CSNK1E: variants seen among roughly 807,000 people sequenced by gnomAD.
CSNK1E encodes casein kinase I isoform epsilon.
CSNK1E carries 17 observed loss-of-function variants against 46.1 expected under a neutral mutation model. The observed-to-expected ratio is 0.37, with a 90% CI of 0.25 to 0.55. CSNK1E has a LOEUF of 0.55. CSNK1E is among the 20% of genes least tolerant of loss of function. The pLI is 0.82. For missense variants in CSNK1E, 386 were observed against 595.4 expected, an observed-to-expected ratio of 0.65 and a Z score of 3.66; for synonymous variants, 241 against 242.6, an observed-to-expected ratio of 0.99 and a Z score of 0.06.
Position 38,309,200 on chromosome 22 carries a change from G to A in CSNK1E, c.76+4882C>T, listed in dbSNP as rs576177435. Among the ~76,000 whole-genome samples the A allele has an allele frequency of 6.6e-5, 10 of 152,360 alleles. No homozygotes were observed. In the South Asian group the frequency reaches 1.9e-3, roughly 28 times the overall value. On this transcript the variant is annotated intron_variant, in intron 2 of 10. Transcript: ENST00000396832. The surrounding 1 kb of genome is among the most constrained non-coding windows in gnomAD (Gnocchi z 4.8). ...AATCACCCTGTTGAGGCTACCTGGT[G>A]GATACGAAAGGGCTGGAGGAGGCTA...
At chr22:38,301,188 G>A (rs1307197864) in intron 4 of CSNK1E, among the ~76,000 whole-genome samples, 1 of 152,226 alleles carries the variant, frequency 6.6e-6, no homozygotes, top group African/African-American at 2.4e-5. Flanking sequence ...AGTATTGCAG[G>A]AAAGCTAATG....
chr22:38,296,833 G>T, intron 7 of CSNK1E: 2 of 955,918 alleles, frequency 2.1e-6, no homozygotes, highest in Non-Finnish European at 3.1e-6. Flanking sequence ...GGAGGGCAGT[G>T]GCATGATCTC....
chr22:38,298,318 G>A lies in CSNK1E; in HGVS notation c.885+468C>T, dbSNP rs915665325. ...CCCACCCCTGGGACTCTTAAAAGAG[G>A]GAAACAGAACAACTGCCTAGCCAGA... On this transcript the variant is annotated intron_variant, in intron 7 of 10. Coordinates refer to ENST00000396832, the MANE Select transcript of CSNK1E (RefSeq NM_152221.3). The surrounding 1 kb of genome is among the most constrained non-coding windows in gnomAD (Gnocchi z 4.2). 6.6e-6 allele frequency: 5 copies of A among 755,444 alleles called. No homozygotes were observed. The highest frequency in any genetic ancestry group is 7.6e-6 in the Non-Finnish European group (4 of 523,350). 46.8% of individuals were successfully genotyped at this position (755,444 alleles called of 1,614,324 possible). A position where few individuals can be genotyped will look rare whatever the true frequency, so the allele number is the denominator to read the frequency against.
chr22:38,307,065 G>T (rs2092701704), intron 2 of CSNK1E, among the ~76,000 whole-genome samples: 1 of 152,160 alleles, frequency 6.6e-6, no homozygotes. Context: ...CAGCTACCTG[G>T]GAGGCTGAGG....
chr22:38,294,042 G>A lies in CSNK1E; in HGVS notation c.1218+67C>T. ...AAAGGGAAGAACAGAGCCACGGCCT[G>A]ACCTCCCACTGGGGGGTCTCTAACT... On this transcript the variant is annotated intron_variant, in intron 9 of 10. Coordinates refer to ENST00000396832, the MANE Select transcript of CSNK1E (RefSeq NM_152221.3). This position sits in a 1 kb window ranked among gnomAD's most constrained non-coding sequence, Gnocchi z 5.5. 6.4e-7 allele frequency: 1 copy of A among 1,552,536 alleles called. No homozygotes were observed. Among genetic ancestry groups the A allele is most frequent in the South Asian group, 1.1e-5 (1 of 87,010 alleles).
In CSNK1E at chr22:38,291,338, C is replaced by CCACACACACACACA. The variant is rs71324902; in HGVS notation, c.*619_*632dup. 6.8e-6 allele frequency: 1 copy of CCACACACACACACA among 147,930 alleles called. No homozygotes were observed. The highest frequency in any genetic ancestry group is 2.5e-5 in the African/African-American group (1 of 40,096). The allele number at this position is 147,930 out of a possible 1,614,324, so 9.2% of individuals were successfully genotyped here. A position where few individuals can be genotyped will look rare whatever the true frequency, so the allele number is the denominator to read the frequency against. Reference sequence around the variant, plus strand: ...TCTTGGGAAACACAGGTCAATACATCCACACACACACACACACACACACAC... The same window carrying CCACACACACACACA: ...TCTTGGGAAACACAGGTCAATACATCCACACACACACACACACACACACACACACACACACACAC... On this transcript the variant is annotated 3_prime_UTR_variant, in exon 11 of 11. Transcript: ENST00000396832.
rs760507931 is a variant in CSNK1E at position 38,303,180 on chromosome 22, G to A, written c.145C>T (p.Leu49=). 3 of 1,610,472 alleles carry A rather than the reference G, an allele frequency of 1.9e-6. No homozygotes were observed. The Admixed American group carries it at 5.0e-5, about 27-fold the overall frequency. ...LECVKTKHPQ[L]HIESKFYKMM... Reference sequence around the variant, plus strand: ...TTGTAGAACTTGCTCTCGATGTGCAGCTGGGGGTGCTTTGTCTTCACACAC... The same window carrying A: ...TTGTAGAACTTGCTCTCGATGTGCAACTGGGGGTGCTTTGTCTTCACACAC... The change falls in exon 3 of 11, where the codon CTG becomes TTG. Residue 49 remains leucine (L), a synonymous_variant. Transcript: ENST00000396832. This position sits in a 1 kb window ranked among gnomAD's most constrained non-coding sequence, Gnocchi z 4.7.
chr22:38,305,121 C>CAAAAA (rs33987200), intron 2 of CSNK1E, among the ~76,000 whole-genome samples: 1 of 52,800 alleles, frequency 1.9e-5, no homozygotes, highest in Non-Finnish European at 3.3e-5. Context: ...AACTCCAGCT[C>CAAAAA]AAAAAAAAAA....
rs10560249 is a variant in CSNK1E, at chr22:38,291,894, CTTTTTTTTTT to C, written c.*67_*76del. On this transcript the variant is annotated 3_prime_UTR_variant, in exon 11 of 11. Coordinates refer to ENST00000396832, the MANE Select transcript of CSNK1E (RefSeq NM_152221.3). The stretch of plus-strand genomic sequence containing the variant: ...GTTCTTTTGAGTGGTTTATTTTTGC[CTTTTTTTTTT>C]TTTTTTTTTTTTTAAAGAAAATACA... 9.1e-5 allele frequency: 9 copies of C among 99,206 alleles called. No individual in the cohort carries two copies. Among genetic ancestry groups the C allele is most frequent in the Non-Finnish European group, 1.3e-4 (7 of 52,474 alleles). 6.1% of individuals were successfully genotyped at this position (99,206 alleles called of 1,614,324 possible).
intron 2 of CSNK1E, among the ~76,000 whole-genome samples, chr22:38,310,924 G>A (rs1024298986): frequency 1.2e-4 from 19 of 152,282 alleles, no homozygotes; most frequent in African/African-American, 4.1e-4. Flanking sequence ...AAGGCTGGCC[G>A]GGGACGCCCT....
chr22:38,297,005 C>T, intron 7 of CSNK1E: 1 of 671,414 alleles, frequency 1.5e-6, no homozygotes, highest in African/African-American at 1.8e-5. Context: ...AACTCCTGAC[C>T]TCAAGTCATC....
chr22:38,311,843 C>T (rs1480084414), intron 2 of CSNK1E, among the ~76,000 whole-genome samples: 8 of 145,842 alleles, frequency 5.5e-5, no homozygotes, highest in South Asian at 2.2e-4. Context: ...CTTGCTTTGT[C>T]GCCCAGGCTG....
chr22:38,314,061 G>A (rs2092732766), intron 2 of CSNK1E, 21 bp downstream of exon 2: 27 of 1,608,736 alleles, frequency 1.7e-5, no homozygotes, highest in Non-Finnish European at 2.2e-5. Flanking sequence ...AGGGGCTCCA[G>A]CTGGAGCTAG....
intron 2 of CSNK1E, among the ~76,000 whole-genome samples, chr22:38,304,207 G>C (rs762167237): frequency 4.6e-5 from 7 of 152,108 alleles, no homozygotes; most frequent in Non-Finnish European, 7.4e-5. Context: ...AAACAGGCCA[G>C]AACAACCCCC....
chr22:38,294,272 C>A lies in CSNK1E; in HGVS notation c.1079-24G>T. 2 of 1,608,846 alleles carry A rather than the reference C, an allele frequency of 1.2e-6. No individual in the cohort carries two copies. Among genetic ancestry groups the A allele is most frequent in the Non-Finnish European group, 1.7e-6 (2 of 1,178,692 alleles). ...GCCTGGAGGGAGAGTGGGAAGCCAC[C>A]CTCAGAGTAGGCACAAACAGAGCCC... On this transcript the variant is annotated intron_variant, in intron 8 of 10. Transcript: ENST00000396832. This position sits in a 1 kb window ranked among gnomAD's most constrained non-coding sequence, Gnocchi z 5.5.
In CSNK1E at chr22:38,303,021, G is replaced by A. The variant is rs777965060; in HGVS notation, c.188-12C>T. 2.8e-5 allele frequency: 45 copies of A among 1,608,266 alleles called. No individual in the cohort carries two copies. The East Asian group carries it at 6.3e-4, about 22-fold the overall frequency. The stretch of plus-strand genomic sequence containing the variant: ...GGACGGGATCCCCACTGGGGGTCAA[G>A]CAGAGGGCCTCTGTCAGGGGTCAGA... On this transcript the variant is annotated splice_polypyrimidine_tract_variant and intron_variant, in intron 3 of 10. Coordinates refer to ENST00000396832, the MANE Select transcript of CSNK1E (RefSeq NM_152221.3). The surrounding 1 kb of genome is among the most constrained non-coding windows in gnomAD (Gnocchi z 4.7).
rs372088273 is a variant in CSNK1E at position 38,298,762 on chromosome 22, C to T, written c.885+24G>A. The T allele has an allele frequency of 6.4e-5, 104 of 1,613,374 alleles. No individual in the cohort carries two copies. The highest frequency in any genetic ancestry group is 8.1e-5 in the Non-Finnish European group (95 of 1,179,784). ...CCTTCCCCATCCAGTCCCCCAAGCC[C>T]GCCTTGGCCTCCAGGTGACTCACGA... is the stretch of plus-strand genomic sequence containing the variant. On this transcript the variant is annotated intron_variant, in intron 7 of 10. Transcript: ENST00000396832. The surrounding 1 kb of genome is among the most constrained non-coding windows in gnomAD (Gnocchi z 4.2).
At chr22:38,305,121 C>CCA (rs2092692233) in intron 2 of CSNK1E, among the ~76,000 whole-genome samples, 1 of 52,800 alleles carries the variant, frequency 1.9e-5, no homozygotes, top group Non-Finnish European at 3.3e-5. Context: ...AACTCCAGCT[C>CCA]AAAAAAAAAA....
At position 38,309,597 on chromosome 22, in the gene CSNK1E, A is replaced by G. The variant is rs1250537151; in HGVS notation, c.76+4485T>C. Among the ~76,000 whole-genome samples, 1 of 151,924 alleles carries G rather than the reference A, an allele frequency of 6.6e-6. No individual in the cohort carries two copies. Among genetic ancestry groups the G allele is most frequent in the Non-Finnish European group, 1.5e-5 (1 of 67,980 alleles). Reference sequence around the variant, plus strand: ...AGCCTCCCGAGTAACTGGGATTACAAGCAGACACCACCACGCCTGGCTAAT... The same window carrying G: ...AGCCTCCCGAGTAACTGGGATTACAGGCAGACACCACCACGCCTGGCTAAT... On this transcript the variant is annotated intron_variant, in intron 2 of 10. Transcript: ENST00000396832. This position sits in a 1 kb window ranked among gnomAD's most constrained non-coding sequence, Gnocchi z 4.8.
Sources: gnomAD v4.1 joint callset for allele counts (sites outside exome capture counted in the v4.1 genomes callset) on GRCh38, gnomAD v4.1.1 for gene constraint, Gnocchi (gnomAD v3.1) non-coding constraint, MANE v1.5 for transcripts, NCBI Gene and HGNC (gene_info 2026-07-23, HGNC 2026-07-21) for gene names.